Variants in KAT6A observed in about 807,000 individuals in gnomAD.
The protein encoded by KAT6A is lysine acetyltransferase 6A, also known as histone acetyltransferase KAT6A.
A neutral mutation model predicts 198.4 loss-of-function variants in KAT6A; 9 were observed. The ratio of observed to expected loss-of-function variants is 0.05; its 90% confidence interval spans 0.03 to 0.08. The LOEUF (loss-of-function observed/expected upper bound fraction) is 0.08, where lower values mean the gene tolerates loss of function less well. Ranked by LOEUF, KAT6A falls within the 10% of genes least tolerant of loss-of-function variation. KAT6A has a pLI of 1.00. For synonymous variants in KAT6A, 890 were observed against 883.0 expected (o/e 1.01, Z -0.14); for missense variants, 2,077 against 2,509.9 (o/e 0.83, Z 3.69).
Position 41,933,136 on chromosome 8 carries a change from G to T in KAT6A, c.5084C>A (p.Pro1695His). ...PQPQQPPPPP[P>H]PQQQPPLSQC... is the part of the protein sequence containing the mutation. ...TGACAGCGGGGGCTGCTGCTGGGGAGGGGGTGGGGGTGGAGGCTGCTGGGG... is the reference window on the plus strand; with the variant it reads ...TGACAGCGGGGGCTGCTGCTGGGGATGGGGTGGGGGTGGAGGCTGCTGGGG... The change falls in exon 17 of 17, where the codon CCT (proline) becomes CAT (histidine). Residue 1695 changes from proline to histidine, a missense_variant. Around this residue, in one of 13 missense-constraint regions of KAT6A, gnomAD observed 500 missense variants for 577.2 expected, o/e 0.87. Transcript: ENST00000265713. This position sits in a 1 kb window ranked among gnomAD's most constrained non-coding sequence, Gnocchi z 6.2. 1.2e-6 allele frequency: 2 copies of T among 1,606,686 alleles called. No individual in the cohort carries two copies. Among genetic ancestry groups the T allele is most frequent in the South Asian group, 1.1e-5 (1 of 90,820 alleles).
In KAT6A at chr8:41,933,677, C is replaced by G. The variant is rs746044871; in HGVS notation, c.4543G>C (p.Glu1515Gln). ...GAGGGTGCGGACAGGGATCCTTGTTCTGGGCTGATCTGGGTGTAGCCACTC... is the reference window on the plus strand; with the variant it reads ...GAGGGTGCGGACAGGGATCCTTGTTGTGGGCTGATCTGGGTGTAGCCACTC... ...LESGYTQISP[E>Q]QGSLSAPSMQ... Residue 1515 changes from glutamate to glutamine, a missense_variant, in exon 17 of 17, where the codon GAA becomes CAA. Around this residue, in one of 13 missense-constraint regions of KAT6A, gnomAD observed 178 missense variants for 220.8 expected, o/e 0.81. Coordinates refer to ENST00000265713, the MANE Select transcript of KAT6A (RefSeq NM_006766.5). This position sits in a 1 kb window ranked among gnomAD's most constrained non-coding sequence, Gnocchi z 6.2. 5 of 1,614,008 alleles carry G rather than the reference C, an allele frequency of 3.1e-6. No individual in the cohort carries two copies. The highest frequency in any genetic ancestry group is 4.2e-6 in the Non-Finnish European group (5 of 1,180,040).
At chr8:41,967,184 G>A (rs1823536195) in intron 8 of KAT6A, among the ~76,000 whole-genome samples, 2 of 151,740 alleles carry the variant, frequency 1.3e-5, no homozygotes, top group African/African-American at 4.8e-5. Flanking sequence ...GATATTTTAT[G>A]TAAAAATCAT....
At chr8:41,992,271 G>A (rs1824985635) in intron 2 of KAT6A, among the ~76,000 whole-genome samples, 1 of 152,076 alleles carries the variant, frequency 6.6e-6, no homozygotes, top group African/African-American at 2.4e-5. Flanking sequence ...CACTGTGAGA[G>A]AGCCCTTGTC....
intron 8 of KAT6A, among the ~76,000 whole-genome samples, chr8:41,972,279 T>C (rs1823832739): frequency 6.6e-6 from 1 of 152,214 alleles, no homozygotes; most frequent in Non-Finnish European, 1.5e-5. Flanking sequence ...AAAATAATGT[T>C]TGGCCACCAA....
chr8:42,028,262 T>C (rs1419741623), intron 2 of KAT6A, among the ~76,000 whole-genome samples: 7 of 152,200 alleles, frequency 4.6e-5, no homozygotes, highest in Non-Finnish European at 8.8e-5. Context: ...TGGTGTAAAG[T>C]GTGGTTTAAA....
At chr8:42,046,724 G>A (rs189573778) in intron 2 of KAT6A, among the ~76,000 whole-genome samples, 28 of 152,244 alleles carry the variant, frequency 1.8e-4, no homozygotes, top group African/African-American at 5.5e-4. Flanking sequence ...GTTTCTACAG[G>A]TAAGAGTTCT....
intron 8 of KAT6A, among the ~76,000 whole-genome samples, chr8:41,964,653 A>C (rs1273322973): frequency 6.6e-6 from 1 of 150,948 alleles, no homozygotes; most frequent in African/African-American, 2.4e-5. Context: ...AAAAATCAAA[A>C]TCCAAAACAC....
intron 2 of KAT6A, among the ~76,000 whole-genome samples, chr8:42,031,475 T>C (rs1363797406): frequency 6.6e-6 from 1 of 152,088 alleles, no homozygotes; most frequent in Non-Finnish European, 1.5e-5. Context: ...CCCCTTCTAG[T>C]TCAAACATGA....
chr8:41,944,108 AAGAG>A (rs1822267572), intron 12 of KAT6A, 129 bp from the exon 13 acceptor site: 3 of 632,348 alleles, frequency 4.7e-6, no homozygotes, highest in South Asian at 2.1e-5. Context: ...CAAAAAAAAA[AAGAG>A]AGAAACAAAT....
chr8:41,939,441 C>A (rs1821999464), intron 15 of KAT6A, among the ~76,000 whole-genome samples: 1 of 152,124 alleles, frequency 6.6e-6, no homozygotes, highest in Admixed American at 6.6e-5. Flanking sequence ...TTTACAGGTA[C>A]AATCATTGTG....
intron 12 of KAT6A, among the ~76,000 whole-genome samples, chr8:41,946,093 A>C (rs1460325339): frequency 1.3e-5 from 2 of 151,092 alleles, no homozygotes; most frequent in Non-Finnish European, 3.0e-5. Flanking sequence ...TTTAGGTTTT[A>C]TTTATTTCCA....
At chr8:42,000,635 TA>T (rs1825451421) in intron 2 of KAT6A, among the ~76,000 whole-genome samples, 1 of 152,218 alleles carries the variant, frequency 6.6e-6, no homozygotes, top group South Asian at 2.1e-4. Context: ...ATTAAATTTT[TA>T]AAATATTGTT....
intron 9 of KAT6A, among the ~76,000 whole-genome samples, chr8:41,950,121 C>T (rs1266055020): frequency 6.6e-6 from 1 of 152,098 alleles, no homozygotes; most frequent in East Asian, 1.9e-4. Context: ...TAATGACTGG[C>T]ACTATAAATT....
Position 41,931,715 on chromosome 8 carries a change from G to A in KAT6A, c.*490C>T, listed in dbSNP as rs962032597. On this transcript the variant is annotated 3_prime_UTR_variant, in exon 17 of 17. Transcript: ENST00000265713. ...ATGTCCCCATCCGAGTCTCCCCTAA[G>A]TGCCTCCTGCTGGAATGAAGTAGGA... 3.1e-5 allele frequency: 6 copies of A among 193,078 alleles called. No individual in the cohort carries two copies. The highest frequency in any genetic ancestry group is 5.4e-5 in the Non-Finnish European group (5 of 92,296). 12.0% of individuals were successfully genotyped at this position (193,078 alleles called of 1,614,324 possible). A position where few individuals can be genotyped will look rare whatever the true frequency, so the allele number is the denominator to read the frequency against.
Position 41,932,321 on chromosome 8 carries a change from G to T in KAT6A, c.5899C>A (p.Pro1967Thr). Residue 1967 changes from proline to threonine, a missense_variant, in exon 17 of 17, where the codon CCT (proline) becomes ACT (threonine). This residue lies in a region of KAT6A where 500 missense variants were observed against 577.2 expected (regional missense o/e 0.87). Coordinates refer to ENST00000265713, the MANE Select transcript of KAT6A (RefSeq NM_006766.5). ...MMGSQAYTQQ[P>T]MQPNPHGNMM... ...TTCCCATGAGGGTTAGGCTGCATAG[G>T]CTGCTGGGTATAGGCCTGGCTCCCC... 1.2e-6 allele frequency: 2 copies of T among 1,614,216 alleles called. No homozygotes were observed. The highest frequency in any genetic ancestry group is 1.7e-6 in the Non-Finnish European group (2 of 1,180,042).
chr8:41,978,059 C>G (rs1301560516), intron 6 of KAT6A, among the ~76,000 whole-genome samples: 2 of 152,198 alleles, frequency 1.3e-5, no homozygotes, highest in African/African-American at 2.4e-5. Context: ...CCCACCTCCT[C>G]CAGACATAGC....
chr8:41,939,605 T>G (rs148318836), intron 15 of KAT6A, among the ~76,000 whole-genome samples: 34 of 152,276 alleles, frequency 2.2e-4, no homozygotes, highest in Non-Finnish European at 4.1e-4. Context: ...GCACTTTACC[T>G]CTATGGTCTT....
In KAT6A at chr8:41,994,710, T is replaced by C. The variant is rs1825108025; in HGVS notation, c.601-7147A>G. 5.9e-5 allele frequency among the ~76,000 whole-genome samples: 9 copies of C among 152,248 alleles called. 1 individual carries two copies. In the South Asian group the frequency reaches 1.7e-3, roughly 28 times the overall value. On this transcript the variant is annotated intron_variant, in intron 2 of 16. Transcript: ENST00000265713. ...TATTTATTCTTAACTAAATGTAACT[T>C]CTATGAAGACTCTGATTTTCACCTG...
Position 41,931,257 on chromosome 8 carries a change from A to G in KAT6A, c.*948T>C. The stretch of plus-strand genomic sequence containing the variant: ...CATTTCAAAGTACATACTAGAAACA[A>G]GAGGCTGGGTGGCGTGTGTGTGCGT... On this transcript the variant is annotated 3_prime_UTR_variant, in exon 17 of 17. Transcript: ENST00000265713. 1 of 221,056 alleles carries G rather than the reference A, an allele frequency of 4.5e-6. No individual in the cohort carries two copies. Among genetic ancestry groups the G allele is most frequent in the Non-Finnish European group, 9.1e-6 (1 of 110,104 alleles). 13.7% of individuals were successfully genotyped at this position (221,056 alleles called of 1,614,324 possible).
Sources: allele counts gnomAD v4.1 joint callset (sites outside exome capture counted in the v4.1 genomes callset), GRCh38; gene constraint gnomAD v4.1.1; regional missense constraint gnomAD v4.1.1; non-coding constraint Gnocchi (gnomAD v3.1); transcripts MANE v1.5; gene names NCBI Gene and HGNC (gene_info 2026-07-23, HGNC 2026-07-21).